PHLDB1: variants seen among roughly 807,000 people sequenced by gnomAD.
The protein encoded by PHLDB1 is pleckstrin homology like domain family B member 1, also known as pleckstrin homology-like domain family B member 1.
PHLDB1 carries 65 observed loss-of-function variants against 139.3 expected under a neutral mutation model. The ratio of observed to expected loss-of-function variants is 0.47; its 90% CI spans 0.38 to 0.57. The LOEUF (loss-of-function observed/expected upper bound fraction) is 0.57. PHLDB1 is among the 20% of genes least tolerant of loss of function. The pLI, the probability that PHLDB1 is intolerant of heterozygous loss-of-function variation, is 0.00. For missense variants in PHLDB1, 1,624 were observed against 1,839.7 expected (o/e 0.88, Z 2.14); for synonymous variants, 679 against 734.5 (o/e 0.92, Z 1.22).
rs1321340651 is a variant in PHLDB1, at chr11:118,645,618, C to T, written c.3384C>T (p.Gly1128=). The T allele has an allele frequency of 1.2e-6, 2 of 1,613,056 alleles. No homozygotes were observed. The highest frequency in any genetic ancestry group is 1.7e-6 in the Non-Finnish European group (2 of 1,179,222). The stretch of plus-strand genomic sequence containing the variant: ...TGGAGACCAGCATCTCCACCGGGGG[C>T]AACTCGGCCTGCTCCCCTGACAACA... ...DSMETSISTG[G]NSACSPDNMS... is the part of the protein sequence containing the mutation. Residue 1128 remains glycine (G), a synonymous_variant, in exon 16 of 23, where the codon GGC becomes GGT. Transcript: ENST00000600882. This position sits in a 1 kb window ranked among gnomAD's most constrained non-coding sequence, Gnocchi z 5.1.
At position 118,611,011 on chromosome 11, in the gene PHLDB1, G is replaced by A. The variant is rs1178870602; in HGVS notation, c.-21-2805G>A. On this transcript the variant is annotated intron_variant, in intron 1 of 22. Transcript: ENST00000600882. This position sits in a 1 kb window ranked among gnomAD's most constrained non-coding sequence, Gnocchi z 4.7. ...ACCGCAGGGGTCTTTTTTTGGCCGC[G>A]GGGCCGGGCGGGCGGGTAATGACAG... Among the ~76,000 whole-genome samples, 1 of 152,198 alleles carries A rather than the reference G, an allele frequency of 6.6e-6. No individual in the cohort carries two copies. The highest frequency in any genetic ancestry group is 1.5e-5 in the Non-Finnish European group (1 of 68,026).
intron 1 of PHLDB1, among the ~76,000 whole-genome samples, chr11:118,607,952 G>T (rs1487344021): frequency 2.0e-5 from 3 of 152,030 alleles, no homozygotes; most frequent in African/African-American, 7.2e-5. Context: ...GCCAGAGGGG[G>T]CCGTGACGCT....
At position 118,611,252 on chromosome 11, in the gene PHLDB1, G is replaced by C. The variant is rs1940236302; in HGVS notation, c.-21-2564G>C. Among the ~76,000 whole-genome samples the C allele has an allele frequency of 1.3e-5, 2 of 152,222 alleles. No homozygotes were observed. Among genetic ancestry groups the C allele is most frequent in the African/African-American group, 4.8e-5 (2 of 41,452 alleles). On this transcript the variant is annotated intron_variant, in intron 1 of 22. Coordinates refer to ENST00000600882, the MANE Select transcript of PHLDB1 (RefSeq NM_001144758.3). This position sits in a 1 kb window ranked among gnomAD's most constrained non-coding sequence, Gnocchi z 4.7. The stretch of plus-strand genomic sequence containing the variant: ...GTCTCTTTCCACTTCTCTTGGATCA[G>C]GTTACTGTGCTGGGGCCACAGCCTC...
intron 5 of PHLDB1, among the ~76,000 whole-genome samples, chr11:118,626,145 A>T (rs901092026): frequency 6.6e-6 from 1 of 152,136 alleles, no homozygotes; most frequent in Non-Finnish European, 1.5e-5. Flanking sequence ...CCTGGCTTCC[A>T]GGAACCAGCC....
intron 22 of PHLDB1, 134 bp from the exon 23 acceptor site, chr11:118,656,549 C>T: frequency 1.3e-6 from 1 of 743,632 alleles, no homozygotes; most frequent in Non-Finnish European, 2.2e-6. Context: ...AGGGTCTAGG[C>T]TCTGGACCTA....
intron 4 of PHLDB1, among the ~76,000 whole-genome samples, chr11:118,619,522 G>A (rs1276986392): frequency 6.6e-6 from 1 of 152,172 alleles, no homozygotes; most frequent in African/African-American, 2.4e-5. Flanking sequence ...AAAAGAAGGA[G>A]GGCAGAGCAA....
At chr11:118,630,148 C>A in intron 6 of PHLDB1, 1 of 981,628 alleles carries the variant, frequency 1.0e-6, no homozygotes, top group Non-Finnish European at 1.4e-6. Context: ...CATGGCCAAA[C>A]TGTAAGTGAT....
chr11:118,644,104 C>T lies in PHLDB1; in HGVS notation c.3051C>T (p.Ser1017=). Residue 1017 remains serine, a synonymous_variant, in exon 15 of 23, where the codon AGC becomes AGT. Coordinates refer to ENST00000600882, the MANE Select transcript of PHLDB1 (RefSeq NM_001144758.3). ...TACTCACCCAGAATGGCACGGGCAG[C>T]CTTCCTCGCAACCTGGCAGCCACAC... ...SALLTQNGTG[S]LPRNLAATLQ... 6.2e-7 allele frequency: 1 copy of T among 1,613,934 alleles called. No homozygotes were observed. The highest frequency in any genetic ancestry group is 2.2e-5 in the East Asian group (1 of 44,886).
Position 118,632,094 on chromosome 11 carries a change from A to C in PHLDB1, c.2241+41A>C. ...CCTAGCTGGACTCTTCCCTAGGCCA[A>C]CTGAAGGCCCCAGAGAGGGGCCACA... On this transcript the variant is annotated intron_variant, in intron 8 of 22. Transcript: ENST00000600882. This position sits in a 1 kb window ranked among gnomAD's most constrained non-coding sequence, Gnocchi z 5.9. 1 of 1,613,600 alleles carries C rather than the reference A, an allele frequency of 6.2e-7. No individual in the cohort carries two copies.
chr11:118,632,131 T>G lies in PHLDB1; in HGVS notation c.2242-28T>G. 1 of 1,613,884 alleles carries G rather than the reference T, an allele frequency of 6.2e-7. No individual in the cohort carries two copies. Among genetic ancestry groups the G allele is most frequent in the Non-Finnish European group, 8.5e-7 (1 of 1,179,864 alleles). ...AGAGAGGGGCCACAGTCAGCTGCTT[T>G]GATGGGGACCCTGGTGTCTGCCCCC... On this transcript the variant is annotated intron_variant, in intron 8 of 22. Transcript: ENST00000600882. The surrounding 1 kb of genome is among the most constrained non-coding windows in gnomAD (Gnocchi z 5.9).
chr11:118,626,841 G>A (rs1943968093), intron 5 of PHLDB1: 1 of 168,304 alleles, frequency 5.9e-6, no homozygotes, highest in African/African-American at 2.4e-5. Flanking sequence ...TTTTATTAGA[G>A]GTGGGGTTTC....
intron 9 of PHLDB1, chr11:118,633,264 T>TA (rs1555112827): frequency 6.6e-6 from 1 of 152,282 alleles, no homozygotes. Flanking sequence ...CCAGAGTTTT[T>TA]ATATGAAAGG....
chr11:118,655,752 G>A, intron 21 of PHLDB1, 62 bp downstream of exon 21: 2 of 1,508,714 alleles, frequency 1.3e-6, no homozygotes, highest in Non-Finnish European at 1.8e-6. Context: ...GGGTGGCCTG[G>A]TGGGGCTCTG....
In PHLDB1 at chr11:118,632,237, G is replaced by A. The variant is rs1337333557; in HGVS notation, c.2320G>A (p.Asp774Asn). 3.1e-6 allele frequency: 5 copies of A among 1,613,876 alleles called. No homozygotes were observed. The highest frequency in any genetic ancestry group is 1.3e-5 in the African/African-American group (1 of 74,932). The change falls in exon 9 of 23, where the codon GAT (aspartate) becomes AAT (asparagine). Residue 774 changes from aspartate (D) to asparagine (N), a missense_variant. Physicochemically the swap from Asp to Asn is conservative, Grantham distance 23. Transcript: ENST00000600882. The surrounding 1 kb of genome is among the most constrained non-coding windows in gnomAD (Gnocchi z 5.9). ...GCTGCAGAAGGAGCAGAAGGCAGTG[G>A]ATCAGCTGCAGGAGAAGCTGGTGGC... The part of the protein sequence containing the change: ...ALLQKEQKAV[D>N]QLQEKLVALE...
intron 20 of PHLDB1, 88 bp from the exon 21 acceptor site, chr11:118,655,517 T>G (rs782773896): frequency 6.9e-5 from 55 of 799,570 alleles, no homozygotes; most frequent in Non-Finnish European, 1.1e-4. Context: ...TTTCCCAGAT[T>G]TGGAAGCTCA....
intron 20 of PHLDB1, chr11:118,654,468 T>C (rs1412692386): frequency 1.3e-5 from 2 of 152,214 alleles, no homozygotes; most frequent in Non-Finnish European, 2.9e-5. Flanking sequence ...TTGAGAATTA[T>C]GCCCCACCCA....
chr11:118,642,128 C>A, intron 12 of PHLDB1, 126 bp from the exon 13 acceptor site: 2 of 878,086 alleles, frequency 2.3e-6, no homozygotes, highest in Admixed American at 3.8e-5. Context: ...TTTAACCTTC[C>A]CCTTCCTTCT....
In PHLDB1 at chr11:118,656,848, A is replaced by G. The variant is rs373195005; in HGVS notation, c.*25A>G. On this transcript the variant is annotated 3_prime_UTR_variant, in exon 23 of 23. Transcript: ENST00000600882. ...ACTGCCGTGGGCCTCCTGGCAGAGC[A>G]CAACTGGGGCTTTTGTATAAGAAGA... 1 of 1,590,904 alleles carries G rather than the reference A, an allele frequency of 6.3e-7. No individual in the cohort carries two copies. The highest frequency in any genetic ancestry group is 8.6e-7 in the Non-Finnish European group (1 of 1,162,470).
At chr11:118,614,793 T>C in intron 3 of PHLDB1, 111 bp downstream of exon 3, 1 of 1,103,678 alleles carries the variant, frequency 9.1e-7, no homozygotes, top group South Asian at 1.5e-5. Context: ...CTGCTGGTGC[T>C]CGCCTCCCCA....
Sources: allele counts gnomAD v4.1 joint callset (sites outside exome capture counted in the v4.1 genomes callset), GRCh38; gene constraint gnomAD v4.1.1; non-coding constraint Gnocchi (gnomAD v3.1); transcripts MANE v1.5; gene names NCBI Gene and HGNC (gene_info 2026-07-23, HGNC 2026-07-21).